Variants in DNMT3B observed in about 807,000 individuals in gnomAD.
DNMT3B encodes DNA methyltransferase 3 beta, also known as DNA (cytosine-5)-methyltransferase 3B.
A neutral mutation model predicts 120.2 loss-of-function variants in DNMT3B; 37 were observed. The ratio of observed to expected loss-of-function variants is 0.31; its 90% confidence interval spans 0.24 to 0.40. DNMT3B has a LOEUF of 0.40. Among genes scored for constraint, DNMT3B ranks in the 10% least tolerant of loss-of-function variants. The pLI is 1.00. For missense variants in DNMT3B, 878 were observed against 1,137.3 expected (o/e 0.77, Z 3.28); for synonymous variants, 412 against 442.8 (o/e 0.93, Z 0.87).
Position 32,791,853 on chromosome 20 carries a change from G to A in DNMT3B, c.921+145G>A, listed in dbSNP as rs994089848. 8.4e-6 allele frequency: 7 copies of A among 832,228 alleles called. No individual in the cohort carries two copies. In the African/African-American group the frequency reaches 1.0e-4, roughly 12 times the overall value. The allele number at this position is 832,228 out of a possible 1,614,324, so 51.6% of individuals were successfully genotyped here. On this transcript the variant is annotated intron_variant, in intron 8 of 22. Coordinates refer to ENST00000328111, the MANE Select transcript of DNMT3B (RefSeq NM_006892.4). ...GAGGTAAATGACAACATAACATGAT[G>A]GCCACCGGATTGGGCCTCCCAACAA...
At chr20:32,769,723 C>T (rs1045799082) in intron 1 of DNMT3B, among the ~76,000 whole-genome samples, 1 of 152,000 alleles carries the variant, frequency 6.6e-6, no homozygotes, top group African/African-American at 2.4e-5. Context: ...ACTGCTTTTT[C>T]CAGAATGTCA....
chr20:32,781,492 A>C (rs543579055), intron 3 of DNMT3B, 78 bp downstream of exon 3: 26 of 1,506,510 alleles, frequency 1.7e-5, no homozygotes, highest in South Asian at 3.4e-5. Flanking sequence ...CCTGAGGCCC[A>C]TAAAAACTGG....
chr20:32,791,488 G>A, intron 7 of DNMT3B, 113 bp from the exon 8 acceptor site: 1 of 1,001,676 alleles, frequency 1.0e-6, no homozygotes, highest in African/African-American at 1.6e-5. Context: ...CCCAGGAATG[G>A]TCTCTTGGTT....
At chr20:32,793,718 C>A in intron 10 of DNMT3B, 123 bp downstream of exon 10, 2 of 1,057,654 alleles carry the variant, frequency 1.9e-6, no homozygotes, top group Non-Finnish European at 1.4e-6. Flanking sequence ...GAACTCCCTC[C>A]CCACTCTCCC....
rs535281176 is a variant in DNMT3B, at chr20:32,808,666, A to G, written c.*763A>G. On this transcript the variant is annotated 3_prime_UTR_variant, in exon 23 of 23. Transcript: ENST00000328111. ...AATAGAACCCTCTGGGGAGCTCAGG[A>G]AGGGGTGTGCTGAGTTCTATAATAT... 1.7e-4 allele frequency: 40 copies of G among 230,262 alleles called. 1 individual carries two copies. The South Asian group carries it at 7.3e-3, about 42-fold the overall frequency. The allele number at this position is 230,262 out of a possible 1,614,324, so 14.3% of individuals were successfully genotyped here.
At chr20:32,801,522 G>T in intron 19 of DNMT3B, 96 bp downstream of exon 19, 1 of 1,529,638 alleles carries the variant, frequency 6.5e-7, no homozygotes, top group Non-Finnish European at 9.0e-7. Flanking sequence ...CATTGGGAAT[G>T]ACTTTCCCGT....
rs768937892 is a variant in DNMT3B at position 32,781,350 on chromosome 20, C to G, written c.143-3C>G. Reference sequence around the variant, plus strand: ...AACAGACTCCTGGCTGTTTCCTCTACAGGCCGAAGATCAAGCTCGCGACTC... The same window carrying G: ...AACAGACTCCTGGCTGTTTCCTCTAGAGGCCGAAGATCAAGCTCGCGACTC... On this transcript the variant is annotated splice_polypyrimidine_tract_variant and splice_region_variant and intron_variant, in intron 2 of 22. Coordinates refer to ENST00000328111, the MANE Select transcript of DNMT3B (RefSeq NM_006892.4). 1 of 1,614,156 alleles carries G rather than the reference C, an allele frequency of 6.2e-7. No homozygotes were observed. The highest frequency in any genetic ancestry group is 8.5e-7 in the Non-Finnish European group (1 of 1,180,036).
At chr20:32,795,622 AT>A in intron 11 of DNMT3B, 27 bp from the exon 12 acceptor site, 1 of 1,614,146 alleles carries the variant, frequency 6.2e-7, no homozygotes, top group Non-Finnish European at 8.5e-7. Flanking sequence ...CCCTGACCTC[AT>A]CTCATGCCTT....
Position 32,792,433 on chromosome 20 carries a change from C to T in DNMT3B, c.922-193C>T, listed in dbSNP as rs1317213760. Among the ~76,000 whole-genome samples, 3 of 152,172 alleles carry T rather than the reference C, an allele frequency of 2.0e-5. No individual in the cohort carries two copies. In the East Asian group the frequency reaches 5.8e-4, roughly 29 times the overall value. ...CCTGCATGAAAAGATTTAACCACAA[C>T]CCCCCTTCCGAGGCCTCTCCCTGCA... On this transcript the variant is annotated intron_variant, in intron 8 of 22. Coordinates refer to ENST00000328111, the MANE Select transcript of DNMT3B (RefSeq NM_006892.4).
intron 1 of DNMT3B, among the ~76,000 whole-genome samples, chr20:32,763,381 G>T (rs1237629297): frequency 3.9e-5 from 6 of 152,218 alleles, no homozygotes; most frequent in Admixed American, 6.5e-5. Context: ...GAGCAGCGGG[G>T]CTGCCCTCTG....
chr20:32,800,107 T>G, intron 16 of DNMT3B, 46 bp from the exon 17 acceptor site: 1 of 1,612,098 alleles, frequency 6.2e-7, no homozygotes. Flanking sequence ...TGAGCTGCTG[T>G]GTGCTCAGCA....
At chr20:32,785,410 GCCTAGGGGTGATAGAGT>G (rs1979152939) in intron 4 of DNMT3B, among the ~76,000 whole-genome samples, 1 of 152,134 alleles carries the variant, frequency 6.6e-6, no homozygotes, top group Non-Finnish European at 1.5e-5. Context: ...TCTTGGAGGT[GCCTAGGGGTGATAGAGT>G]TTGCAGGGTG....
intron 20 of DNMT3B, among the ~76,000 whole-genome samples, chr20:32,803,654 A>C (rs73260141): frequency 0.054 from 8,278 of 152,176 alleles, 664 homozygotes; most frequent in African/African-American, 0.18. Context: ...GGAAGGGTTG[A>C]TGGGGAAGGC....
intron 3 of DNMT3B, among the ~76,000 whole-genome samples, chr20:32,781,812 G>A (rs1978656361): frequency 6.6e-6 from 1 of 152,194 alleles, no homozygotes; most frequent in Non-Finnish European, 1.5e-5. Context: ...TCCTGTCTTT[G>A]TCCAACATCT....
rs780919245 is a variant in DNMT3B at position 32,787,221 on chromosome 20, T to C, written c.433-9T>C. On this transcript the variant is annotated splice_polypyrimidine_tract_variant and intron_variant, in intron 5 of 22. Transcript: ENST00000328111. ...CTCTGGCCCAAACTATGTGTCCTTCTGTCCACAGTCCCTGAGACGGCGGGC... is the reference window on the plus strand; with the variant it reads ...CTCTGGCCCAAACTATGTGTCCTTCCGTCCACAGTCCCTGAGACGGCGGGC... The C allele has an allele frequency of 1.9e-6, 3 of 1,614,250 alleles. No homozygotes were observed. The highest frequency in any genetic ancestry group is 1.7e-5 in the Admixed American group (1 of 60,032).
chr20:32,807,159 C>G (rs1265151358), intron 22 of DNMT3B, among the ~76,000 whole-genome samples: 1 of 152,210 alleles, frequency 6.6e-6, no homozygotes. Context: ...CTGAATAACC[C>G]ACGCAGCCAT....
At chr20:32,797,653 C>G (rs1980804339) in intron 14 of DNMT3B, among the ~76,000 whole-genome samples, 1 of 138,440 alleles carries the variant, frequency 7.2e-6, no homozygotes, top group Non-Finnish European at 1.5e-5. Context: ...CCATCACACC[C>G]AGCTAGTTAT....
Position 32,799,232 on chromosome 20 carries a change from C to T in DNMT3B, c.1675-12C>T. 6.2e-7 allele frequency: 1 copy of T among 1,608,878 alleles called. No individual in the cohort carries two copies. The highest frequency in any genetic ancestry group is 1.7e-4 in the Middle Eastern group (1 of 6,058). On this transcript the variant is annotated splice_polypyrimidine_tract_variant and intron_variant, in intron 15 of 22. Transcript: ENST00000328111. ...TGCCTTCACCACCATGACCTCCTTC[C>T]TTACCTGGCAGGAAGCCCCCAAGCT...
intron 5 of DNMT3B, 40 bp from the exon 6 acceptor site, chr20:32,787,190 C>T (rs761033841): frequency 6.2e-7 from 1 of 1,613,264 alleles, no homozygotes; most frequent in Non-Finnish European, 8.5e-7. Context: ...TCACCGACAT[C>T]CTTTGCTCTG....
Sources: allele counts gnomAD v4.1 joint callset (sites outside exome capture counted in the v4.1 genomes callset), GRCh38; gene constraint gnomAD v4.1.1; transcripts MANE v1.5; gene names NCBI Gene and HGNC (gene_info 2026-07-23, HGNC 2026-07-21).